LRP1B: variants seen among roughly 807,000 people sequenced by gnomAD.
LRP1B encodes the protein low-density lipoprotein receptor-related protein 1B.
A neutral mutation model predicts 556.6 loss-of-function variants in LRP1B; 217 were observed. The observed-to-expected ratio is 0.39, with a 90% CI of 0.35 to 0.44. The LOEUF is 0.44. Ranked by LOEUF, LRP1B falls within the 20% of genes least tolerant of loss-of-function variation. The pLI is 1.00. For synonymous variants in LRP1B, 2,047 were observed against 1,865.8 expected, an observed-to-expected ratio of 1.10 and a Z score of -2.50; for missense variants, 5,053 against 5,620.8, an observed-to-expected ratio of 0.90 and a Z score of 3.23.
intron 1 of LRP1B, among the ~76,000 whole-genome samples, chr2:141,889,100 G>A (rs1041366775): frequency 1.3e-5 from 2 of 152,194 alleles, no homozygotes; most frequent in African/African-American, 4.8e-5. Context: ...CCCTGTTAAA[G>A]CCTTCCAATT....
At chr2:141,604,527 G>C (rs1042623129) in intron 2 of LRP1B, among the ~76,000 whole-genome samples, 5 of 152,120 alleles carry the variant, frequency 3.3e-5, no homozygotes, top group Admixed American at 2.6e-4. Context: ...TCCATGGACT[G>C]GCTTAAGAAA....
intron 50 of LRP1B, 107 bp downstream of exon 50, chr2:140,516,782 T>C (rs1689920696): frequency 2.0e-6 from 2 of 1,002,482 alleles, no homozygotes; most frequent in Non-Finnish European, 1.5e-6. Context: ...TGAAAATTAA[T>C]GTTAAAATCA....
intron 20 of LRP1B, among the ~76,000 whole-genome samples, chr2:140,942,248 A>G (rs1190044716): frequency 6.6e-6 from 1 of 152,188 alleles, no homozygotes; most frequent in African/African-American, 2.4e-5. Context: ...ATAAAGAAAA[A>G]TAATTAAAAT....
intron 1 of LRP1B, among the ~76,000 whole-genome samples, chr2:142,092,741 CTGTTTA>C (rs1706219329): frequency 1.3e-5 from 2 of 151,986 alleles, no homozygotes; most frequent in Admixed American, 1.3e-4. Context: ...ATCCAGAGTT[CTGTTTA>C]TATGAGATGG....
intron 43 of LRP1B, among the ~76,000 whole-genome samples, chr2:140,579,757 G>A (rs530259648): frequency 4.3e-4 from 66 of 152,244 alleles, no homozygotes; most frequent in African/African-American, 1.6e-3. Flanking sequence ...CAGGAGAATC[G>A]CTTGAAGCCG....
At chr2:141,106,222 T>G (rs1010775578) in intron 7 of LRP1B, among the ~76,000 whole-genome samples, 3 of 152,176 alleles carry the variant, frequency 2.0e-5, no homozygotes, top group Non-Finnish European at 4.4e-5. Context: ...AATATTTATG[T>G]CATCGACACT....
At chr2:142,123,404 A>G (rs977514350) in intron 1 of LRP1B, among the ~76,000 whole-genome samples, 1 of 152,014 alleles carries the variant, frequency 6.6e-6, no homozygotes, top group Non-Finnish European at 1.5e-5. Context: ...GGGATGTCCT[A>G]TTGATTGCAA....
At chr2:141,054,673 C>T (rs1699128337) in intron 10 of LRP1B, among the ~76,000 whole-genome samples, 1 of 151,900 alleles carries the variant, frequency 6.6e-6, no homozygotes, top group African/African-American at 2.4e-5. Flanking sequence ...CAAATTAAAT[C>T]ATGGAGTGAA....
intron 2 of LRP1B, among the ~76,000 whole-genome samples, chr2:141,658,497 T>C (rs2105391143): frequency 6.6e-6 from 1 of 152,270 alleles, no homozygotes; most frequent in East Asian, 1.9e-4. Flanking sequence ...CTCCTTGTTG[T>C]CCCTGAGAGA....
intron 41 of LRP1B, among the ~76,000 whole-genome samples, chr2:140,646,984 G>C (rs184349904): frequency 9.2e-4 from 139 of 151,816 alleles, no homozygotes; most frequent in African/African-American, 3.3e-3. Context: ...ATATTTTCTA[G>C]ACAAATGAAA....
chr2:141,876,745 T>C (rs902369317), intron 1 of LRP1B, among the ~76,000 whole-genome samples: 6 of 151,910 alleles, frequency 3.9e-5, no homozygotes, highest in African/African-American at 1.4e-4. Context: ...GTTTCTTACG[T>C]TGGCTTTCCA....
intron 43 of LRP1B, among the ~76,000 whole-genome samples, chr2:140,595,975 A>C (rs902608879): frequency 2.0e-5 from 3 of 152,310 alleles, no homozygotes; most frequent in African/African-American, 7.2e-5. Flanking sequence ...TAATTTCTGA[A>C]ATGAATAATA....
chr2:140,533,251 A>T (rs1690800660), intron 47 of LRP1B, among the ~76,000 whole-genome samples: 1 of 152,116 alleles, frequency 6.6e-6, no homozygotes, highest in Admixed American at 6.6e-5. Context: ...CAGTGCTAAC[A>T]TAGCATACAC....
intron 2 of LRP1B, among the ~76,000 whole-genome samples, chr2:141,525,199 G>A (rs904219769): frequency 6.6e-6 from 1 of 152,068 alleles, no homozygotes; most frequent in African/African-American, 2.4e-5. Context: ...TGGGTTTTAG[G>A]TGATGCTCGG....
intron 32 of LRP1B, among the ~76,000 whole-genome samples, chr2:140,797,521 T>C (rs922274249): frequency 3.9e-5 from 6 of 151,944 alleles, no homozygotes; most frequent in African/African-American, 1.4e-4. Context: ...AATAGTAACG[T>C]TGGGTATAAT....
intron 3 of LRP1B, among the ~76,000 whole-genome samples, chr2:141,317,674 C>T (rs184255286): frequency 4.6e-5 from 7 of 152,178 alleles, no homozygotes; most frequent in African/African-American, 1.7e-4. Context: ...AGATGTCAGA[C>T]AGAACAGGGT....
At chr2:141,461,979 G>T (rs921153843) in intron 3 of LRP1B, among the ~76,000 whole-genome samples, 7 of 152,178 alleles carry the variant, frequency 4.6e-5, no homozygotes, top group Admixed American at 4.6e-4. Flanking sequence ...GCACAAAAAT[G>T]TAATGTTCAT....
intron 3 of LRP1B, among the ~76,000 whole-genome samples, chr2:141,473,861 G>A (rs2105074598): frequency 6.6e-6 from 1 of 152,168 alleles, no homozygotes; most frequent in South Asian, 2.1e-4. Context: ...AATTCTGCAT[G>A]CTGAAATTCC....
chr2:141,510,768 C>A (rs1045492495), intron 2 of LRP1B, among the ~76,000 whole-genome samples: 2 of 151,808 alleles, frequency 1.3e-5, no homozygotes, highest in Non-Finnish European at 2.9e-5. Flanking sequence ...CTGATTTCTT[C>A]CATTATCCTG....
Sources: allele counts gnomAD v4.1 joint callset (sites outside exome capture counted in the v4.1 genomes callset), GRCh38; gene constraint gnomAD v4.1.1; transcripts MANE v1.5; gene names NCBI Gene and HGNC (gene_info 2026-07-23, HGNC 2026-07-21).